Variants in ZNF442 observed in about 807,000 individuals in gnomAD.
ZNF442 encodes zinc finger protein 442.
A neutral mutation model predicts 57.0 loss-of-function variants in ZNF442; 45 were observed. The ratio of observed to expected loss-of-function variants is 0.79; its 90% CI spans 0.62 to 1.01. The LOEUF (loss-of-function observed/expected upper bound fraction) is 1.01. Among genes scored for constraint, ZNF442 ranks in the 50% least tolerant of loss-of-function variants. The pLI is 0.00. For missense variants in ZNF442, 690 were observed against 756.5 expected (o/e 0.91, Z 1.03); for synonymous variants, 213 against 241.8 (o/e 0.88, Z 1.10).
upstream of ZNF442, among the ~76,000 whole-genome samples, chr19:12,367,823 C>T (rs1226754214): frequency 6.6e-6 from 1 of 152,230 alleles, no homozygotes; most frequent in East Asian, 1.9e-4. Flanking sequence ...CGCGTGCCAC[C>T]ATGCCCGGCT....
chr19:12,365,236 C>A lies in ZNF442; in HGVS notation c.-475G>T. The A allele has an allele frequency of 5.8e-6, 1 of 172,012 alleles. No individual in the cohort carries two copies. Among genetic ancestry groups the A allele is most frequent in the Non-Finnish European group, 1.2e-5 (1 of 80,444 alleles). The allele number at this position is 172,012 out of a possible 1,614,324, so 10.7% of individuals were successfully genotyped here. A position where few individuals can be genotyped will look rare whatever the true frequency, so the allele number is the denominator to read the frequency against. ...ACCGCGAACCTGTGCCGGTTACAGC[C>A]GCACAATCTGGGAAGACGCGGAGCT... On this transcript the variant is annotated 5_prime_UTR_variant, in exon 2 of 6. Coordinates refer to ENST00000242804, the MANE Select transcript of ZNF442 (RefSeq NM_030824.3).
chr19:12,355,073 C>T (rs78249909), intron 3 of ZNF442, among the ~76,000 whole-genome samples: 21 of 151,898 alleles, frequency 1.4e-4, no homozygotes, highest in Admixed American at 1.4e-3. Flanking sequence ...AGGCAGATCA[C>T]GAGGTCAGGA....
rs560089620 is a variant in ZNF442, at chr19:12,361,839, C to G, written c.78+1715G>C. On this transcript the variant is annotated intron_variant, in intron 3 of 5. Transcript: ENST00000242804. The stretch of plus-strand genomic sequence containing the variant: ...TCCCTGCTGGATTCTCCTGCTTCAG[C>G]CTGCGGAGAGCCTGGGATTGCAGGA... Among the ~76,000 whole-genome samples the G allele has an allele frequency of 5.9e-5, 9 of 152,278 alleles. No individual in the cohort carries two copies. The South Asian group carries it at 1.9e-3, about 32-fold the overall frequency.
intron 5 of ZNF442, among the ~76,000 whole-genome samples, chr19:12,351,610 T>C (rs907132002): frequency 6.6e-6 from 1 of 151,962 alleles, no homozygotes; most frequent in African/African-American, 2.4e-5. Flanking sequence ...GGTTCAAGTG[T>C]TTCTCCTGCC....
chr19:12,365,432 C>T (rs534091498), intron 1 of ZNF442, 101 bp downstream of exon 1: 28 of 307,324 alleles, frequency 9.1e-5, no homozygotes, highest in South Asian at 8.8e-4. Flanking sequence ...CCACAGACCC[C>T]GCAGTCGCCG....
At chr19:12,353,152 A>G (rs1369137050) in intron 3 of ZNF442, 38 bp from the exon 4 acceptor site, 1 of 1,548,372 alleles carries the variant, frequency 6.5e-7, no homozygotes, top group African/African-American at 1.4e-5. Flanking sequence ...TAAGGCTGAG[A>G]CTGATAGTAC....
intron 3 of ZNF442, among the ~76,000 whole-genome samples, chr19:12,359,542 T>C (rs1479722333): frequency 1.3e-5 from 2 of 152,138 alleles, no homozygotes; most frequent in South Asian, 2.1e-4. Flanking sequence ...AAAATACATC[T>C]AAAGAAAACT....
intron 3 of ZNF442, among the ~76,000 whole-genome samples, chr19:12,359,824 A>G (rs940184796): frequency 2.0e-5 from 3 of 152,012 alleles, no homozygotes; most frequent in Non-Finnish European, 2.9e-5. Context: ...CAAAAATACA[A>G]AAAATTAGCC....
At chr19:12,373,609 G>A in the ZNF442 span, 8 of 233,508 alleles carry the variant, frequency 3.4e-5, no homozygotes, top group African/African-American at 1.1e-4. Context: ...TGGAGACACC[G>A]GTTCTCACTC....
rs1969171515 is a variant in ZNF442, at chr19:12,349,096, G to A, written c.*605C>T. The stretch of plus-strand genomic sequence containing the variant: ...TGCATCTGTAATCCCAGCTACTCAG[G>A]AGGCTAAGACAGGAGAATTGCTTGA... On this transcript the variant is annotated 3_prime_UTR_variant, in exon 6 of 6. Coordinates refer to ENST00000242804, the MANE Select transcript of ZNF442 (RefSeq NM_030824.3). 1 of 150,898 alleles carries A rather than the reference G, an allele frequency of 6.6e-6. No individual in the cohort carries two copies. The highest frequency in any genetic ancestry group is 2.1e-4 in the South Asian group (1 of 4,770). 9.3% of individuals were successfully genotyped at this position (150,898 alleles called of 1,614,324 possible). A position where few individuals can be genotyped will look rare whatever the true frequency, so the allele number is the denominator to read the frequency against.
At chr19:12,366,257 C>A (rs1229498578), upstream of ZNF442, among the ~76,000 whole-genome samples, 2 of 152,184 alleles carry the variant, frequency 1.3e-5, no homozygotes, top group South Asian at 2.1e-4. Context: ...CAGTAATCTT[C>A]TATAAAGGAA....
rs1452986207 is a variant in ZNF442, at chr19:12,351,149, G to A, written c.436C>T (p.Gln146Ter). ...FDAGHKPDECQEYGEKPHTHK... is the reference protein window; with the variant it reads ...FDAGHKPDEC ...GTATGTGGCTTCTCTCCATATTCCT[G>A]ACACTCATCTGGTTTGTGTCCAGCA... The change falls in exon 6 of 6, where the codon CAG becomes TAG. Residue 146 changes from glutamine (Q) to a stop codon, truncating the protein, a stop_gained. Coordinates refer to ENST00000242804, the MANE Select transcript of ZNF442 (RefSeq NM_030824.3). LOFTEE classifies it high-confidence loss of function. The A allele has an allele frequency of 6.2e-7, 1 of 1,614,072 alleles. No individual in the cohort carries two copies. The highest frequency in any genetic ancestry group is 1.1e-5 in the South Asian group (1 of 91,080).
At position 12,348,156 on chromosome 19, in the gene ZNF442, C is replaced by T. The variant is rs1214890863; in HGVS notation, c.*1545G>A. The T allele has an allele frequency of 1.3e-5, 2 of 151,976 alleles. No individual in the cohort carries two copies. The highest frequency in any genetic ancestry group is 2.9e-5 in the Non-Finnish European group (2 of 68,002). The allele number at this position is 151,976 out of a possible 1,614,324, so 9.4% of individuals were successfully genotyped here. A position where few individuals can be genotyped will look rare whatever the true frequency, so the allele number is the denominator to read the frequency against. On this transcript the variant is annotated 3_prime_UTR_variant, in exon 6 of 6. Transcript: ENST00000242804. ...GGTCAGGAGTTCGAGACCAGCCTGACCAACATGGTGAAACCCCATCTCTAC... is the reference window on the plus strand; with the variant it reads ...GGTCAGGAGTTCGAGACCAGCCTGATCAACATGGTGAAACCCCATCTCTAC...
At chr19:12,365,431 C>T in intron 1 of ZNF442, 102 bp downstream of exon 1, 1 of 308,644 alleles carries the variant, frequency 3.2e-6, no homozygotes. Context: ...TCCACAGACC[C>T]CGCAGTCGCC....
At chr19:12,353,362 T>G (rs1324561779) in intron 3 of ZNF442, among the ~76,000 whole-genome samples, 1 of 152,202 alleles carries the variant, frequency 6.6e-6, no homozygotes, top group East Asian at 1.9e-4. Flanking sequence ...ATGAGTGAAT[T>G]TTATTGCCGG....
chr19:12,354,512 A>G (rs1393370862), intron 3 of ZNF442, among the ~76,000 whole-genome samples: 3 of 152,250 alleles, frequency 2.0e-5, no homozygotes, highest in Non-Finnish European at 4.4e-5. Context: ...ATGTATAAAA[A>G]TGCTAAAAAC....
chr19:12,373,104 T>C, the ZNF442 span, among the ~76,000 whole-genome samples: 1 of 152,180 alleles, frequency 6.6e-6, no homozygotes, highest in Non-Finnish European at 1.5e-5. Context: ...ATTTATAGCA[T>C]ATCTAGCCAG....
Position 12,349,920 on chromosome 19 carries a change from C to T in ZNF442, c.1665G>A (p.Trp555Ter), listed in dbSNP as rs1167140071. 6 of 1,613,842 alleles carry T rather than the reference C, an allele frequency of 3.7e-6. No homozygotes were observed. The African/African-American group carries it at 6.7e-5, about 18-fold the overall frequency. ...ECKECRKAFS[W>*]LTCLLRHERI... is the part of the protein sequence containing the mutation. ...TTTCATGTCGCAGAAGGCAAGTGAG[C>T]CAAGAGAATGCTTTCCTGCATTCCT... Residue 555 changes from tryptophan (W) to a stop codon, truncating the protein, a stop_gained, in exon 6 of 6, where the codon TGG becomes TGA. Transcript: ENST00000242804. LOFTEE classifies it high-confidence loss of function.
rs554625720 is a variant in ZNF442 at position 12,358,217 on chromosome 19, C to A, written c.79-5103G>T. Among the ~76,000 whole-genome samples the A allele has an allele frequency of 2.2e-4, 34 of 152,302 alleles. No individual in the cohort carries two copies. In the South Asian group the frequency reaches 5.6e-3, roughly 25 times the overall value. ...TGACCTCATGATCCACCTGCCTTGGCCTCCCAAAGTGCTGGGATTACAGGC... is the reference window on the plus strand; with the variant it reads ...TGACCTCATGATCCACCTGCCTTGGACTCCCAAAGTGCTGGGATTACAGGC... On this transcript the variant is annotated intron_variant, in intron 3 of 5. Transcript: ENST00000242804.
Sources: gnomAD v4.1 joint callset for allele counts (sites outside exome capture counted in the v4.1 genomes callset) on GRCh38, gnomAD v4.1.1 for gene constraint, MANE v1.5 for transcripts, NCBI Gene and HGNC (gene_info 2026-07-23, HGNC 2026-07-21) for gene names.